Variants in KAT7 observed in about 807,000 individuals in gnomAD.
KAT7 encodes the protein lysine acetyltransferase 7.
KAT7 carries 10 observed loss-of-function variants against 82.1 expected under a neutral mutation model. The observed-to-expected ratio is 0.12, with a 90% CI of 0.08 to 0.21. The LOEUF is 0.21. Ranked by LOEUF, KAT7 falls within the 10% of genes least tolerant of loss-of-function variation. KAT7 has a pLI of 1.00. For synonymous variants in KAT7, 250 were observed against 262.5 expected (o/e 0.95, Z 0.46); for missense variants, 378 against 760.9 (o/e 0.50, Z 5.92).
chr17:49,788,869 G>T lies in KAT7; in HGVS notation c.15+20G>T. On this transcript the variant is annotated intron_variant, in intron 1 of 14. Transcript: ENST00000259021. ...AGGAAGGTGAGAAACGGGAGAGGAG[G>T]GATGGCGGGTTTCTAAGGACAGTCG... 1 of 1,580,472 alleles carries T rather than the reference G, an allele frequency of 6.3e-7. No homozygotes were observed.
At chr17:49,826,879 G>A in intron 14 of KAT7, 80 bp downstream of exon 14, 1 of 887,596 alleles carries the variant, frequency 1.1e-6, no homozygotes. Context: ...CTTAAGACTG[G>A]AGAACCTTCC....
At chr17:49,800,500 T>C (rs2074011474) in intron 4 of KAT7, among the ~76,000 whole-genome samples, 1 of 152,304 alleles carries the variant, frequency 6.6e-6, no homozygotes, top group Non-Finnish European at 1.5e-5. Context: ...ATATGATGGC[T>C]AATGTGCTTT....
intron 1 of KAT7, 49 bp downstream of exon 1, chr17:49,788,898 G>C: frequency 1.3e-6 from 2 of 1,518,332 alleles, no homozygotes; most frequent in South Asian, 2.5e-5. Flanking sequence ...ACAGTCGATT[G>C]AGCACCGTGA....
In KAT7 at chr17:49,830,865, T is replaced by G. The variant is rs1475880351; in HGVS notation, c.*3363T>G. On this transcript the variant is annotated 3_prime_UTR_variant, in exon 15 of 15. Transcript: ENST00000259021. The stretch of plus-strand genomic sequence containing the variant: ...TCTAGTTGGATTTGTTTCTAATGGC[T>G]TCCATTACAAGGATAATAATGAAAC... 3 of 152,242 alleles carry G rather than the reference T, an allele frequency of 2.0e-5. No individual in the cohort carries two copies. Among genetic ancestry groups the G allele is most frequent in the African/African-American group, 7.2e-5 (3 of 41,456 alleles). 9.4% of individuals were successfully genotyped at this position (152,242 alleles called of 1,614,324 possible). A position where few individuals can be genotyped will look rare whatever the true frequency, so the allele number is the denominator to read the frequency against.
At chr17:49,792,932 C>T (rs1319451302) in intron 2 of KAT7, among the ~76,000 whole-genome samples, 2 of 152,086 alleles carry the variant, frequency 1.3e-5, no homozygotes, top group Non-Finnish European at 2.9e-5. Context: ...CCACCTCAGC[C>T]TCCTGAGTAG....
At chr17:49,826,556 T>A in intron 13 of KAT7, 137 bp from the exon 14 acceptor site, 1 of 650,840 alleles carries the variant, frequency 1.5e-6, no homozygotes, top group Non-Finnish European at 2.8e-6. Context: ...CTTTGTAAAC[T>A]CCTTCTAAAC....
At chr17:49,826,617 A>G in intron 13 of KAT7, 76 bp from the exon 14 acceptor site, 1 of 899,420 alleles carries the variant, frequency 1.1e-6, no homozygotes. Context: ...CCTTTAAGGG[A>G]AAGTAGACCT....
chr17:49,816,754 A>G (rs1393385755), intron 8 of KAT7, among the ~76,000 whole-genome samples: 1 of 152,112 alleles, frequency 6.6e-6, no homozygotes, highest in African/African-American at 2.4e-5. Context: ...ACACCTGGTT[A>G]TGCTTACAAA....
At chr17:49,810,159 G>C (rs2074143722) in intron 6 of KAT7, among the ~76,000 whole-genome samples, 1 of 152,206 alleles carries the variant, frequency 6.6e-6, no homozygotes, top group African/African-American at 2.4e-5. Flanking sequence ...GCTAAATTAT[G>C]TATGTAAAGT....
At chr17:49,792,135 G>GCAC in intron 2 of KAT7, 102 bp downstream of exon 2, 2 of 1,081,704 alleles carry the variant, frequency 1.8e-6, no homozygotes, top group Non-Finnish European at 2.7e-6. Flanking sequence ...TTGGCTTGGT[G>GCAC]TAGATGACAG....
At chr17:49,825,709 T>C (rs1187371013) in intron 12 of KAT7, among the ~76,000 whole-genome samples, 1 of 152,232 alleles carries the variant, frequency 6.6e-6, no homozygotes, top group Non-Finnish European at 1.5e-5. Flanking sequence ...ACATAGTATA[T>C]ATAGGATTTG....
rs373781117 is a variant in KAT7, at chr17:49,797,009, G to GTAGATGCCTAATACTTCAGC, written c.340+90_340+109dup. 2,474 of 1,091,572 alleles carry GTAGATGCCTAATACTTCAGC rather than the reference G, an allele frequency of 2.3e-3. 62 individuals carry two copies. In the African/African-American group the frequency reaches 0.035, roughly 16 times the overall value. 67.6% of individuals were successfully genotyped at this position (1,091,572 alleles called of 1,614,324 possible). On this transcript the variant is annotated intron_variant, in intron 3 of 14. Coordinates refer to ENST00000259021, the MANE Select transcript of KAT7 (RefSeq NM_007067.5). ...TAAGGAGGGCTTGGGGCCACTGCAG[G>GTAGATGCCTAATACTTCAGC]TAGATGCCTAATACTTCAGCTAGAT...
intron 4 of KAT7, among the ~76,000 whole-genome samples, chr17:49,804,122 G>A (rs1267056156): frequency 1.3e-5 from 2 of 152,194 alleles, no homozygotes; most frequent in African/African-American, 4.8e-5. Flanking sequence ...GCTCACGCCT[G>A]TAATCCCAGC....
chr17:49,809,301 T>C lies in KAT7; in HGVS notation c.753+93T>C, dbSNP rs1598070245. ...TGTCTTCAGGCATGTCTGTGCCTCA[T>C]TTCCTGTGGTATATCTTCCAGATGT... On this transcript the variant is annotated intron_variant, in intron 6 of 14. Coordinates refer to ENST00000259021, the MANE Select transcript of KAT7 (RefSeq NM_007067.5). 2.6e-5 allele frequency: 22 copies of C among 834,400 alleles called. No homozygotes were observed. The South Asian group carries it at 3.2e-4, about 12-fold the overall frequency. 51.7% of individuals were successfully genotyped at this position (834,400 alleles called of 1,614,324 possible). A position where few individuals can be genotyped will look rare whatever the true frequency, so the allele number is the denominator to read the frequency against.
intron 5 of KAT7, among the ~76,000 whole-genome samples, chr17:49,808,445 C>T (rs1411564340): frequency 1.4e-5 from 2 of 145,474 alleles, no homozygotes; most frequent in Non-Finnish European, 3.0e-5. Flanking sequence ...TTCTTTCTTT[C>T]TTTCTTTCTT....
At chr17:49,810,945 G>A (rs770466224) in intron 6 of KAT7, among the ~76,000 whole-genome samples, 2 of 152,044 alleles carry the variant, frequency 1.3e-5, no homozygotes, top group Non-Finnish European at 2.9e-5. Flanking sequence ...GTTGCAGTGA[G>A]CCGCGATCGT....
intron 1 of KAT7, 75 bp downstream of exon 1, chr17:49,788,924 C>T (rs1042239168): frequency 7.2e-7 from 1 of 1,379,724 alleles, no homozygotes; most frequent in African/African-American, 1.5e-5. Flanking sequence ...TTGGCCACGC[C>T]TCACAGTGCT....
At chr17:49,804,766 T>A (rs2074070857) in intron 4 of KAT7, among the ~76,000 whole-genome samples, 1 of 152,160 alleles carries the variant, frequency 6.6e-6, no homozygotes, top group African/African-American at 2.4e-5. Context: ...TAAAAAAATT[T>A]TTTAAAGTAA....
Position 49,831,684 on chromosome 17 carries a change from G to T in KAT7, c.*4182G>T, listed in dbSNP as rs756767291. On this transcript the variant is annotated 3_prime_UTR_variant, in exon 15 of 15. Coordinates refer to ENST00000259021, the MANE Select transcript of KAT7 (RefSeq NM_007067.5). Reference sequence around the variant, plus strand: ...ATTAAGTAATTTTTTTTTTTGAGACGGAGTTTCGTTCTGTCACCCAGGCTG... The same window carrying T: ...ATTAAGTAATTTTTTTTTTTGAGACTGAGTTTCGTTCTGTCACCCAGGCTG... 2 of 151,764 alleles carry T rather than the reference G, an allele frequency of 1.3e-5. No homozygotes were observed. The highest frequency in any genetic ancestry group is 4.2e-4 in the South Asian group (2 of 4,816). 9.4% of individuals were successfully genotyped at this position (151,764 alleles called of 1,614,324 possible). A position where few individuals can be genotyped will look rare whatever the true frequency, so the allele number is the denominator to read the frequency against.
Sources: allele counts gnomAD v4.1 joint callset (sites outside exome capture counted in the v4.1 genomes callset), GRCh38; gene constraint gnomAD v4.1.1; transcripts MANE v1.5; gene names NCBI Gene and HGNC (gene_info 2026-07-23, HGNC 2026-07-21).